Variants in POU6F2 observed in about 807,000 individuals in gnomAD.
POU6F2 encodes POU class 6 homeobox 2, also known as POU domain, class 6, transcription factor 2.
Under a neutral mutation model 71.3 loss-of-function variants are expected in POU6F2, and 31 were observed. The observed-to-expected ratio is 0.43, with a 90% confidence interval of 0.33 to 0.59. POU6F2 has a LOEUF of 0.59. Among genes scored for constraint, POU6F2 ranks in the 20% least tolerant of loss-of-function variants. POU6F2 has a pLI of 0.04. For synonymous variants in POU6F2, 347 were observed against 355.7 expected (o/e 0.98, Z 0.27); for missense variants, 783 against 856.8 (o/e 0.91, Z 1.07).
chr7:39,449,162 G>C (rs1583613163), intron 7 of POU6F2, among the ~76,000 whole-genome samples: 1 of 152,224 alleles, frequency 6.6e-6, no homozygotes, highest in South Asian at 2.1e-4. Context: ...GAGGCACAAG[G>C]TGGTTTCCTG....
intron 4 of POU6F2, among the ~76,000 whole-genome samples, chr7:39,290,173 T>C (rs1784724800): frequency 6.6e-6 from 1 of 152,216 alleles, no homozygotes; most frequent in Non-Finnish European, 1.5e-5. Flanking sequence ...ATATTTTGGG[T>C]TGGACAACAT....
chr7:38,997,279 G>T (rs1788767438), intron 1 of POU6F2, among the ~76,000 whole-genome samples: 1 of 151,782 alleles, frequency 6.6e-6, no homozygotes, highest in Non-Finnish European at 1.5e-5. Flanking sequence ...TTCCTGGTTT[G>T]TTTTTTTTCT....
At chr7:39,186,725 G>A (rs1354964141) in intron 2 of POU6F2, among the ~76,000 whole-genome samples, 4 of 152,194 alleles carry the variant, frequency 2.6e-5, no homozygotes, top group Non-Finnish European at 5.9e-5. Context: ...TCTGAGCCCT[G>A]AGTAGTGCCT....
At chr7:39,431,028 C>T (rs1438419481) in intron 6 of POU6F2, among the ~76,000 whole-genome samples, 1 of 152,192 alleles carries the variant, frequency 6.6e-6, no homozygotes, top group African/African-American at 2.4e-5. Flanking sequence ...CTGTTTAATG[C>T]AAGACCACTC....
chr7:39,049,407 T>A (rs1790361072), intron 1 of POU6F2, among the ~76,000 whole-genome samples: 1 of 152,036 alleles, frequency 6.6e-6, no homozygotes, highest in Admixed American at 6.6e-5. Flanking sequence ...TATTTTGCAA[T>A]TTTCTCTCAC....
At chr7:39,305,758 A>T (rs944652368) in intron 4 of POU6F2, among the ~76,000 whole-genome samples, 4 of 152,228 alleles carry the variant, frequency 2.6e-5, no homozygotes, top group African/African-American at 9.6e-5. Flanking sequence ...TGAAAATGTA[A>T]GATGGTAAAC....
chr7:39,328,412 A>T (rs910125421), intron 4 of POU6F2, among the ~76,000 whole-genome samples: 1 of 152,204 alleles, frequency 6.6e-6, no homozygotes, highest in African/African-American at 2.4e-5. Context: ...ATCTATCGGG[A>T]ACAAATATCT....
At chr7:39,221,580 G>GT (rs1794362245) in intron 4 of POU6F2, among the ~76,000 whole-genome samples, 1 of 151,812 alleles carries the variant, frequency 6.6e-6, no homozygotes, top group African/African-American at 2.4e-5. Flanking sequence ...AGAGACCGGG[G>GT]TTTCACCATG....
intron 5 of POU6F2, among the ~76,000 whole-genome samples, chr7:39,397,479 C>CATATAT (rs138498102): frequency 4.9e-5 from 7 of 142,504 alleles, no homozygotes; most frequent in Non-Finnish European, 9.2e-5. Context: ...TAGAGAGAGA[C>CATATAT]ATATATATAT....
chr7:39,385,727 G>C (rs1454137892), intron 5 of POU6F2, among the ~76,000 whole-genome samples: 3 of 152,128 alleles, frequency 2.0e-5, no homozygotes, highest in Non-Finnish European at 2.9e-5. Flanking sequence ...AGCTGTCCGG[G>C]AGTGCTCTTG....
chr7:39,204,196 G>T, intron 2 of POU6F2, 39 bp from the exon 3 acceptor site: 1 of 1,554,348 alleles, frequency 6.4e-7, no homozygotes, highest in Non-Finnish European at 8.9e-7. Flanking sequence ...TCCCAAGCTG[G>T]ATCATATATT....
At chr7:39,452,606 C>G (rs1300136801) in intron 8 of POU6F2, among the ~76,000 whole-genome samples, 1 of 152,196 alleles carries the variant, frequency 6.6e-6, no homozygotes, top group East Asian at 1.9e-4. Context: ...ACAGTAGGAT[C>G]CTCACATATC....
At chr7:39,130,297 G>A (rs573003879) in intron 2 of POU6F2, among the ~76,000 whole-genome samples, 2 of 151,938 alleles carry the variant, frequency 1.3e-5, no homozygotes, top group Non-Finnish European at 2.9e-5. Context: ...CTCACCACCC[G>A]GAAGGCAGGA....
At chr7:39,150,941 T>G (rs926284278) in intron 2 of POU6F2, among the ~76,000 whole-genome samples, 3 of 152,134 alleles carry the variant, frequency 2.0e-5, no homozygotes, top group Non-Finnish European at 4.4e-5. Context: ...CGCCTTTATA[T>G]GAGGTTATTT....
chr7:39,400,109 G>T (rs879450628), intron 5 of POU6F2, among the ~76,000 whole-genome samples: 2 of 152,170 alleles, frequency 1.3e-5, no homozygotes, highest in Non-Finnish European at 2.9e-5. Flanking sequence ...CGGGAGTGGG[G>T]CTGCAAGTTC....
At chr7:39,448,323 C>A (rs892867420) in intron 7 of POU6F2, among the ~76,000 whole-genome samples, 33 of 152,162 alleles carry the variant, frequency 2.2e-4, no homozygotes, top group African/African-American at 7.2e-4. Flanking sequence ...GGAATGAAAC[C>A]TATGGGCTCC....
intron 2 of POU6F2, among the ~76,000 whole-genome samples, chr7:39,184,098 C>A (rs1286185525): frequency 1.3e-5 from 2 of 152,118 alleles, no homozygotes; most frequent in African/African-American, 4.8e-5. Flanking sequence ...TAAAGAGGGG[C>A]AAATTCATGT....
rs116172838 is a variant in POU6F2 at position 39,302,744 on chromosome 7, G to A, written c.599-36898G>A. Among the ~76,000 whole-genome samples the A allele has an allele frequency of 1.7e-3, 252 of 152,294 alleles. 1 individual carries two copies. Among genetic ancestry groups the A allele is most frequent in the African/African-American group, 5.6e-3 (233 of 41,564 alleles). On this transcript the variant is annotated intron_variant, in intron 4 of 9. Transcript: ENST00000518318. ...TGCGTAACCACATCCTTTCTTCATC[G>A]CTTGAGCATCTATCATACAACCAGT...
At position 39,207,447 on chromosome 7, in the gene POU6F2, G is replaced by GC; in HGVS notation, c.431dup (p.Ala145SerfsTer162). 1.9e-6 allele frequency: 3 copies of GC among 1,613,950 alleles called. No individual in the cohort carries two copies. Among genetic ancestry groups the GC allele is most frequent in the Non-Finnish European group, 2.5e-6 (3 of 1,179,848 alleles). ...GCTGTGGCCGGCGTGATGCCGGGAG[G>GC]CCCCCCAGCCCTCAACCAGCCAATC... On this transcript the variant is annotated frameshift_variant, in exon 4 of 10. Coordinates refer to ENST00000518318, the MANE Select transcript of POU6F2 (RefSeq NM_001370959.1). LOFTEE classifies it high-confidence loss of function.
Sources: allele counts gnomAD v4.1 joint callset (sites outside exome capture counted in the v4.1 genomes callset), GRCh38; gene constraint gnomAD v4.1.1; transcripts MANE v1.5; gene names NCBI Gene and HGNC (gene_info 2026-07-23, HGNC 2026-07-21).